The following PLCG2 variants were observed in gnomAD, a reference collection of about 807,000 sequenced individuals.
PLCG2 encodes 1-phosphatidylinositol 4,5-bisphosphate phosphodiesterase gamma-2.
In PLCG2, 69 loss-of-function variants were observed where a neutral mutation model predicts 175.6. The ratio of observed to expected loss-of-function variants is 0.39; its 90% CI spans 0.32 to 0.48. The LOEUF (loss-of-function observed/expected upper bound fraction) is 0.48. Ranked by LOEUF, PLCG2 falls within the 20% of genes least tolerant of loss-of-function variation. The pLI is 0.91. For missense variants in PLCG2, 1,798 were observed against 1,650.9 expected, an observed-to-expected ratio of 1.09 and a Z score of -1.54; for synonymous variants, 827 against 624.0, an observed-to-expected ratio of 1.33 and a Z score of -4.85.
chr16:81,855,872 C>G (rs4998545), intron 3 of PLCG2, among the ~76,000 whole-genome samples: 1 of 151,834 alleles, frequency 6.6e-6, no homozygotes, highest in African/African-American at 2.4e-5. Context: ...GAATGTCTGA[C>G]TGATGATATG....
At chr16:81,903,984 A>G (rs1231072249) in intron 14 of PLCG2, among the ~76,000 whole-genome samples, 1 of 152,206 alleles carries the variant, frequency 6.6e-6, no homozygotes, top group Non-Finnish European at 1.5e-5. Context: ...CTTCTTATTC[A>G]GTCTTGTCAA....
At chr16:81,854,991 C>G (rs1283512681) in intron 3 of PLCG2, among the ~76,000 whole-genome samples, 1 of 152,040 alleles carries the variant, frequency 6.6e-6, no homozygotes, top group Non-Finnish European at 1.5e-5. Flanking sequence ...GGGCAGATCA[C>G]TTGAGGTCAG....
chr16:81,830,534 C>A (rs1220473723), intron 2 of PLCG2, among the ~76,000 whole-genome samples: 1 of 151,974 alleles, frequency 6.6e-6, no homozygotes, highest in Non-Finnish European at 1.5e-5. Context: ...CTTGGAACTC[C>A]TGACCTCAAG....
At chr16:81,922,615 G>T (rs1011852104) in intron 21 of PLCG2, among the ~76,000 whole-genome samples, 1 of 152,088 alleles carries the variant, frequency 6.6e-6, no homozygotes, top group African/African-American at 2.4e-5. Context: ...ATTATTCAAG[G>T]GCAGAGCAAT....
chr16:81,766,570 C>T (rs1910155635), intron 2 of PLCG2, among the ~76,000 whole-genome samples: 1 of 152,196 alleles, frequency 6.6e-6, no homozygotes. Flanking sequence ...CCAGCCCTTC[C>T]TCCCCCATTA....
chr16:81,805,796 T>TGCTG (rs1911993764), intron 2 of PLCG2, among the ~76,000 whole-genome samples: 1 of 140,836 alleles, frequency 7.1e-6, no homozygotes, highest in South Asian at 2.2e-4. Context: ...TTTTTTTTTT[T>TGCTG]TTGCTGTTAT....
At chr16:81,938,983 T>G in intron 29 of PLCG2, 68 bp downstream of exon 29, 8 of 865,358 alleles carry the variant, frequency 9.2e-6, no homozygotes, top group Non-Finnish European at 1.5e-5. Context: ...GGGAGTGCTC[T>G]TCGTGGGGGA....
intron 5 of PLCG2, among the ~76,000 whole-genome samples, chr16:81,861,217 C>T (rs1906965037): frequency 6.6e-6 from 1 of 152,126 alleles, no homozygotes; most frequent in Non-Finnish European, 1.5e-5. Context: ...TTATTTATGT[C>T]ATTATCCTAT....
At chr16:81,769,479 G>C (rs1036153560) in intron 2 of PLCG2, among the ~76,000 whole-genome samples, 1 of 152,158 alleles carries the variant, frequency 6.6e-6, no homozygotes, top group Non-Finnish European at 1.5e-5. Context: ...CCCCAGGAGA[G>C]GTGAGAGTCC....
chr16:81,758,993 A>T (rs553271246), intron 2 of PLCG2, among the ~76,000 whole-genome samples: 4 of 152,276 alleles, frequency 2.6e-5, no homozygotes, highest in Admixed American at 2.6e-4. Flanking sequence ...CCATCTTTTT[A>T]AATTTAGCCT....
rs746020068 is a variant in PLCG2, at chr16:81,900,633, C to G, written c.1215C>G (p.Ile405Met). The G allele has an allele frequency of 6.3e-7, 1 of 1,599,818 alleles. No individual in the cohort carries two copies. Residue 405 changes from isoleucine (I) to methionine (M), a missense_variant, in exon 14 of 33, where the codon ATC becomes ATG. By Grantham distance (10) the Ile-to-Met change is conservative. Coordinates refer to ENST00000564138, the MANE Select transcript of PLCG2 (RefSeq NM_002661.5). ...GCAGCTTCCCAGTGATCCTGTCCAT[C>G]GAGGAGCACTGCAGCGTGGAGCAAC... ...VTSSFPVILSIEEHCSVEQQR... is the reference protein window; with the variant it reads ...VTSSFPVILSMEEHCSVEQQR...
intron 2 of PLCG2, among the ~76,000 whole-genome samples, chr16:81,821,556 G>T (rs540541717): frequency 6.6e-6 from 1 of 152,190 alleles, no homozygotes; most frequent in East Asian, 1.9e-4. Context: ...TGGGTCCTGG[G>T]GGCTCCTGGC....
At chr16:81,771,054 T>C (rs1910268463) in intron 2 of PLCG2, among the ~76,000 whole-genome samples, 1 of 33,110 alleles carries the variant, frequency 3.0e-5, no homozygotes, top group African/African-American at 7.8e-5. Flanking sequence ...CGAGACTCCA[T>C]CTCAAAAAAA....
chr16:81,928,561 A>G lies in PLCG2; in HGVS notation c.2518A>G (p.Ile840Val). 6 of 1,596,276 alleles carry G rather than the reference A, an allele frequency of 3.8e-6. No homozygotes were observed. Among genetic ancestry groups the G allele is most frequent in the East Asian group, 2.2e-5 (1 of 44,792 alleles). The change falls in exon 24 of 33, where the codon ATT becomes GTT. Residue 840 changes from isoleucine to valine, a missense_variant. Ile to Val is a conservative substitution (Grantham distance 29, BLOSUM62 3). Transcript: ENST00000564138. ...ADFEELEKQIIEDNPLGSLCR... is the reference protein window; with the variant it reads ...ADFEELEKQIVEDNPLGSLCR... ...GTTATGTCTTGTTTCTTCACAGATT[A>G]TTGAAGACAATCCCTTAGGGTCTCT...
At position 81,960,034 on chromosome 16, in the gene PLCG2, A is replaced by G; in HGVS notation, c.*2036A>G. Reference sequence around the variant, plus strand: ...CTCCAGCTGCTGCTGTGTAAAATCCATGCGTGGCCAAAGAGAAGTCAGGGG... The same window carrying G: ...CTCCAGCTGCTGCTGTGTAAAATCCGTGCGTGGCCAAAGAGAAGTCAGGGG... On this transcript the variant is annotated 3_prime_UTR_variant, in exon 33 of 33. Coordinates refer to ENST00000564138, the MANE Select transcript of PLCG2 (RefSeq NM_002661.5). 1 of 216,964 alleles carries G rather than the reference A, an allele frequency of 4.6e-6. No homozygotes were observed. Among genetic ancestry groups the G allele is most frequent in the South Asian group, 1.9e-4 (1 of 5,398 alleles). 13.4% of individuals were successfully genotyped at this position (216,964 alleles called of 1,614,324 possible). A position where few individuals can be genotyped will look rare whatever the true frequency, so the allele number is the denominator to read the frequency against.
At chr16:81,767,621 C>T (rs1910182579) in intron 2 of PLCG2, 1 of 152,062 alleles carries the variant, frequency 6.6e-6, no homozygotes, top group Non-Finnish European at 1.5e-5. Context: ...GCAAAATTCA[C>T]CCTTTTTGAT....
Position 81,889,283 on chromosome 16 carries a change from C to T in PLCG2, c.867+10C>T. ...CTTGTTTGTGGATGAGGTGAGTAGGCTGGGCTTGTTGTCGCTTGGGGGTGA... is the reference window on the plus strand; with the variant it reads ...CTTGTTTGTGGATGAGGTGAGTAGGTTGGGCTTGTTGTCGCTTGGGGGTGA... On this transcript the variant is annotated intron_variant, in intron 10 of 32. Coordinates refer to ENST00000564138, the MANE Select transcript of PLCG2 (RefSeq NM_002661.5). 6.6e-7 allele frequency: 1 copy of T among 1,515,088 alleles called. No homozygotes were observed. The highest frequency in any genetic ancestry group is 9.1e-7 in the Non-Finnish European group (1 of 1,097,288). The allele number at this position is 1,515,088 out of a possible 1,614,324, so 93.9% of individuals were successfully genotyped here.
intron 25 of PLCG2, 146 bp downstream of exon 25, chr16:81,931,800 C>T: frequency 1.5e-6 from 1 of 677,936 alleles, no homozygotes; most frequent in Non-Finnish European, 2.5e-6. Flanking sequence ...TGGATTCAGA[C>T]AATTGGAGCA....
chr16:81,955,806 G>T (rs1220136846), intron 31 of PLCG2, among the ~76,000 whole-genome samples: 1 of 152,198 alleles, frequency 6.6e-6, no homozygotes, highest in African/African-American at 2.4e-5. Context: ...TACTGGTGGG[G>T]GAAGTAGAAA....
Sources: allele counts gnomAD v4.1 joint callset (sites outside exome capture counted in the v4.1 genomes callset), GRCh38; gene constraint gnomAD v4.1.1; transcripts MANE v1.5; gene names NCBI Gene and HGNC (gene_info 2026-07-23, HGNC 2026-07-21).